CERK: variants seen among roughly 807,000 people sequenced by gnomAD.
CERK encodes acylsphingosine kinase.
CERK carries 39 observed loss-of-function variants against 63.4 expected under a neutral mutation model. That is an observed-to-expected ratio of 0.61 (90% CI 0.48 to 0.80). CERK has a LOEUF of 0.80. Ranked by LOEUF, CERK falls within the 30% of genes least tolerant of loss-of-function variation. The pLI, the probability that CERK is intolerant of heterozygous loss-of-function variation, is 0.00. For missense variants in CERK, 670 were observed against 714.1 expected (o/e 0.94, Z 0.70); for synonymous variants, 302 against 280.0 (o/e 1.08, Z -0.78).
chr22:46,720,611 G>A (rs946082363), intron 2 of CERK, among the ~76,000 whole-genome samples: 6 of 152,074 alleles, frequency 3.9e-5, no homozygotes, highest in African/African-American at 1.4e-4. Context: ...CAGGAGAATT[G>A]CTTGAACCCA....
At position 46,690,138 on chromosome 22, in the gene CERK, C is replaced by G; in HGVS notation, c.1395G>C (p.Met465Ile). Residue 465 changes from methionine (M) to isoleucine (I), a missense_variant, in exon 12 of 13, where the codon ATG becomes ATC. Transcript: ENST00000216264. ...CCTTGAGGTCGCTGTCCTCATCCTC[C>G]ATGTGCTTCGACGTAAACTGGAATT... is the stretch of plus-strand genomic sequence containing the variant. ...VKKFQFTSKH[M>I]EDEDSDLKEG... 1 of 1,614,100 alleles carries G rather than the reference C, an allele frequency of 6.2e-7. No individual in the cohort carries two copies. Among genetic ancestry groups the G allele is most frequent in the South Asian group, 1.1e-5 (1 of 91,082 alleles).
intron 1 of CERK, among the ~76,000 whole-genome samples, chr22:46,734,997 A>T (rs2082965677): frequency 1.3e-5 from 2 of 152,150 alleles, no homozygotes; most frequent in South Asian, 4.1e-4. Context: ...AGCCTGGGAC[A>T]TCCCAAGTGG....
At chr22:46,712,456 A>G (rs1207128096) in intron 3 of CERK, among the ~76,000 whole-genome samples, 163 bp from the exon 4 acceptor site, 1 of 152,224 alleles carries the variant, frequency 6.6e-6, no homozygotes, top group East Asian at 1.9e-4. Flanking sequence ...GAGCTTCCTG[A>G]TCTATGAAAA....
At chr22:46,734,635 T>C (rs1034428117) in intron 1 of CERK, among the ~76,000 whole-genome samples, 6 of 152,234 alleles carry the variant, frequency 3.9e-5, no homozygotes, top group African/African-American at 7.2e-5. Context: ...CTGAGTTTTA[T>C]TGCATGCAAT....
intron 7 of CERK, 149 bp downstream of exon 7, chr22:46,701,487 C>T (rs183874623): frequency 1.8e-4 from 115 of 631,364 alleles, no homozygotes; most frequent in African/African-American, 1.0e-3. Context: ...GGGATCACAG[C>T]GCAGCGAGCA....
Position 46,738,161 on chromosome 22 carries a change from G to C in CERK, c.-13C>G, listed in dbSNP as rs925252912. 4.6e-5 allele frequency: 54 copies of C among 1,168,776 alleles called. No individual in the cohort carries two copies. The highest frequency in any genetic ancestry group is 5.3e-5 in the Non-Finnish European group (50 of 949,218). The allele number at this position is 1,168,776 out of a possible 1,614,324, so 72.4% of individuals were successfully genotyped here. On this transcript the variant is annotated 5_prime_UTR_variant, in exon 1 of 13. Transcript: ENST00000216264. ...CCGTCGCCCCCATCTCCGCCGCCGG[G>C]CTCGTCCGCCAGGCTGGGGGCGCGC...
Position 46,712,545 on chromosome 22 carries a change from AT to A in CERK, c.380-253del, listed in dbSNP as rs201664769. 7.1e-3 allele frequency among the ~76,000 whole-genome samples: 1,088 copies of A among 152,314 alleles called. 12 individuals carry two copies. The highest frequency in any genetic ancestry group is 0.025 in the African/African-American group (1,038 of 41,558). ...ATCATGAAACTCCCACGAACTCAGA[AT>A]TCCGACTGAGAAGGGCTCTCTCTGC... is the stretch of plus-strand genomic sequence containing the variant. On this transcript the variant is annotated intron_variant, in intron 3 of 12. Transcript: ENST00000216264.
chr22:46,727,284 CTTCTT>C (rs1490487365), intron 1 of CERK, among the ~76,000 whole-genome samples: 1 of 151,768 alleles, frequency 6.6e-6, no homozygotes, highest in African/African-American at 2.4e-5. Context: ...AATGTCTCCT[CTTCTT>C]TTTTTTTTTG....
At chr22:46,721,504 A>G (rs771386394) in intron 1 of CERK, among the ~76,000 whole-genome samples, 1 of 152,156 alleles carries the variant, frequency 6.6e-6, no homozygotes, top group East Asian at 1.9e-4. Flanking sequence ...GGGCAGCTCA[A>G]TGTTACCAGA....
At chr22:46,710,566 T>G (rs1426053707) in intron 5 of CERK, among the ~76,000 whole-genome samples, 1 of 152,172 alleles carries the variant, frequency 6.6e-6, no homozygotes, top group African/African-American at 2.4e-5. Flanking sequence ...AAAATGTAGA[T>G]GTATGCAGAG....
At chr22:46,707,507 C>G (rs2082818772) in intron 6 of CERK, among the ~76,000 whole-genome samples, 3 of 152,176 alleles carry the variant, frequency 2.0e-5, no homozygotes, top group Non-Finnish European at 4.4e-5. Flanking sequence ...GGTCCAGAAG[C>G]CACTTCTTCC....
chr22:46,717,124 A>T (rs2082870548), intron 3 of CERK, among the ~76,000 whole-genome samples: 1 of 152,180 alleles, frequency 6.6e-6, no homozygotes, highest in African/African-American at 2.4e-5. Flanking sequence ...CCACAGTGCA[A>T]GACTATTAAC....
intron 1 of CERK, among the ~76,000 whole-genome samples, chr22:46,730,932 G>C (rs1048498532): frequency 1.3e-5 from 2 of 152,234 alleles, no homozygotes; most frequent in African/African-American, 4.8e-5. Flanking sequence ...AGCTTTGCAA[G>C]ACAGAAAACT....
intron 3 of CERK, among the ~76,000 whole-genome samples, chr22:46,718,882 T>C (rs1423245904): frequency 6.6e-6 from 1 of 151,998 alleles, no homozygotes; most frequent in Non-Finnish European, 1.5e-5. Context: ...GAGATCAGCC[T>C]GGGCAATATG....
rs746854966 is a variant in CERK at position 46,695,277 on chromosome 22, T to A, written c.982A>T (p.Thr328Ser). 1.7e-5 allele frequency: 28 copies of A among 1,612,100 alleles called. No individual in the cohort carries two copies. In the East Asian group the frequency reaches 5.8e-4, roughly 33 times the overall value. ...TGTTGTGCAGGGAGGAAGGACACTG[T>A]CCCTTCATAGCAGTGGTGGGAGAGG... ...TFLSHHCYEG[T>S]VSFLPAQHTV... The change falls in exon 9 of 13, where the codon ACA becomes TCA. Residue 328 changes from threonine to serine, a missense_variant. Coordinates refer to ENST00000216264, the MANE Select transcript of CERK (RefSeq NM_022766.6).
At chr22:46,689,937 G>T in intron 12 of CERK, 55 bp downstream of exon 12, 1 of 1,395,132 alleles carries the variant, frequency 7.2e-7, no homozygotes, top group Non-Finnish European at 9.6e-7. Context: ...GCTTGTGACA[G>T]ACACCTCAGG....
At chr22:46,704,661 C>G (rs1292935885) in intron 6 of CERK, among the ~76,000 whole-genome samples, 1 of 151,894 alleles carries the variant, frequency 6.6e-6, no homozygotes, top group Non-Finnish European at 1.5e-5. Context: ...CCTGTCTCTA[C>G]TAAAAATACA....
At chr22:46,724,705 A>C (rs192599808) in intron 1 of CERK, among the ~76,000 whole-genome samples, 108 of 152,280 alleles carry the variant, frequency 7.1e-4, no homozygotes, top group Admixed American at 1.2e-3. Flanking sequence ...CCGATAAATG[A>C]TGGCTTCCTT....
chr22:46,733,081 G>A (rs1323158486), intron 1 of CERK, among the ~76,000 whole-genome samples: 1 of 150,956 alleles, frequency 6.6e-6, no homozygotes, highest in East Asian at 2.0e-4. Flanking sequence ...AATGGTGGGT[G>A]CCTGTAGTCC....
Sources: allele counts gnomAD v4.1 joint callset (sites outside exome capture counted in the v4.1 genomes callset), GRCh38; gene constraint gnomAD v4.1.1; transcripts MANE v1.5; gene names NCBI Gene and HGNC (gene_info 2026-07-23, HGNC 2026-07-21).